GYS2: variants seen among roughly 807,000 people sequenced by gnomAD.
GYS2 encodes glycogen synthase 2.
Under a neutral mutation model 85.6 loss-of-function variants are expected in GYS2, and 80 were observed. That is an observed-to-expected ratio of 0.93 (90% CI 0.78 to 1.13). GYS2 has a LOEUF of 1.13. Ranked by LOEUF, GYS2 falls within the 50% of genes most tolerant of loss-of-function variation. The pLI is 0.00. For missense variants in GYS2, 881 were observed against 854.9 expected, an observed-to-expected ratio of 1.03 and a Z score of -0.38; for synonymous variants, 328 against 300.7, an observed-to-expected ratio of 1.09 and a Z score of -0.94.
chr12:21,594,756 G>C (rs1292281898), intron 1 of GYS2, among the ~76,000 whole-genome samples: 1 of 152,046 alleles, frequency 6.6e-6, no homozygotes, highest in Non-Finnish European at 1.5e-5. Flanking sequence ...TCTAAAATTT[G>C]TATGAAATTA....
chr12:21,542,573 C>T lies in GYS2; in HGVS notation c.1568G>A (p.Gly523Asp), dbSNP rs1482253104. 1 of 1,612,202 alleles carries T rather than the reference C, an allele frequency of 6.2e-7. No individual in the cohort carries two copies. The highest frequency in any genetic ancestry group is 1.3e-5 in the African/African-American group (1 of 74,898). ...GYTPAECTVM[G>D]IPSVTTNLSG... ...GAGATTCGTGGTCACACTGGGGATA[C>T]CCATCACAGTGCATTCAGCTGCCAG... Residue 523 changes from glycine to aspartate, a missense_variant, in exon 13 of 16, where the codon GGT becomes GAT. Gly to Asp is a moderately conservative substitution (Grantham distance 94, BLOSUM62 -1). Coordinates refer to ENST00000261195, the MANE Select transcript of GYS2 (RefSeq NM_021957.4).
At chr12:21,543,756 C>A (rs1347953434) in intron 12 of GYS2, among the ~76,000 whole-genome samples, 1 of 152,076 alleles carries the variant, frequency 6.6e-6, no homozygotes, top group Non-Finnish European at 1.5e-5. Flanking sequence ...CCCCACAACC[C>A]GACAGGCCCC....
rs74066736 is a variant in GYS2, at chr12:21,599,534, A to T, written c.121+4938T>A. On this transcript the variant is annotated intron_variant, in intron 1 of 15. Coordinates refer to ENST00000261195, the MANE Select transcript of GYS2 (RefSeq NM_021957.4). ...GGGCCTAGACATAGCATGCTGAATG[A>T]AAAGGAAGTGAGTAGACTAGTGCTT... 5.7e-3 allele frequency among the ~76,000 whole-genome samples: 866 copies of T among 152,302 alleles called. 7 individuals carry two copies. The highest frequency in any genetic ancestry group is 0.02 in the African/African-American group (827 of 41,578).
chr12:21,557,397 C>T lies in GYS2; in HGVS notation c.1422+803G>A, dbSNP rs551732065. On this transcript the variant is annotated intron_variant, in intron 11 of 15. Transcript: ENST00000261195. ...ATGCCCTCAGCAAGTAACATTGTGC[C>T]TAGTCATTGTGGAAACTCAAGTCAA... Among the ~76,000 whole-genome samples the T allele has an allele frequency of 4.6e-5, 7 of 152,204 alleles. No individual in the cohort carries two copies. The South Asian group carries it at 1.4e-3, about 32-fold the overall frequency.
intron 11 of GYS2, among the ~76,000 whole-genome samples, chr12:21,547,973 A>G (rs1229991002): frequency 2.0e-5 from 3 of 152,236 alleles, no homozygotes; most frequent in Admixed American, 6.5e-5. Flanking sequence ...TGTGAATTCT[A>G]TATAGTCAAT....
chr12:21,551,013 A>AT (rs71053322), intron 11 of GYS2, among the ~76,000 whole-genome samples: 11,144 of 151,496 alleles, frequency 0.074, 606 homozygotes, highest in African/African-American at 0.14. Flanking sequence ...TTTTTTTTTA[A>AT]TTTTTTTTTA....
intron 1 of GYS2, among the ~76,000 whole-genome samples, chr12:21,581,970 A>T (rs1193193510): frequency 6.6e-6 from 1 of 152,212 alleles, no homozygotes; most frequent in Non-Finnish European, 1.5e-5. Flanking sequence ...CCTCAAAACT[A>T]AACACAACAA....
intron 1 of GYS2, among the ~76,000 whole-genome samples, chr12:21,598,265 C>G (rs1944717792): frequency 6.6e-6 from 1 of 152,020 alleles, no homozygotes; most frequent in African/African-American, 2.4e-5. Flanking sequence ...AAATACCTGA[C>G]TTGATCATTA....
At chr12:21,572,151 G>T (rs888457620) in intron 4 of GYS2, among the ~76,000 whole-genome samples, 1 of 152,060 alleles carries the variant, frequency 6.6e-6, no homozygotes, top group African/African-American at 2.4e-5. Context: ...TCATACGCTG[G>T]CTGAAAATGG....
chr12:21,548,771 A>C (rs1162559515), intron 11 of GYS2, among the ~76,000 whole-genome samples: 1 of 152,130 alleles, frequency 6.6e-6, no homozygotes, highest in East Asian at 1.9e-4. Context: ...CCATATTGTC[A>C]ATTCTATATA....
chr12:21,578,096 C>G (rs1236806587), intron 2 of GYS2, among the ~76,000 whole-genome samples: 1 of 152,184 alleles, frequency 6.6e-6, no homozygotes, highest in Non-Finnish European at 1.5e-5. Context: ...AAATATTCCA[C>G]TTCGGCATTC....
At chr12:21,583,911 C>G (rs1944541403) in intron 1 of GYS2, among the ~76,000 whole-genome samples, 1 of 152,180 alleles carries the variant, frequency 6.6e-6, no homozygotes, top group South Asian at 2.1e-4. Context: ...GAAAGGGGCT[C>G]AAATGCCCAT....
At chr12:21,544,017 T>C (rs565735882) in intron 12 of GYS2, among the ~76,000 whole-genome samples, 46 of 152,358 alleles carry the variant, frequency 3.0e-4, no homozygotes, top group African/African-American at 1.0e-3. Flanking sequence ...TGAAGTTTAG[T>C]ATATGTTCAT....
At chr12:21,571,047 T>A (rs956128547) in intron 4 of GYS2, among the ~76,000 whole-genome samples, 1 of 152,224 alleles carries the variant, frequency 6.6e-6, no homozygotes, top group Non-Finnish European at 1.5e-5. Flanking sequence ...ATGTCACAGA[T>A]AAGACAGCAT....
chr12:21,535,340 C>G (rs1032398930), downstream of GYS2, among the ~76,000 whole-genome samples: 4 of 152,068 alleles, frequency 2.6e-5, no homozygotes, highest in African/African-American at 9.7e-5. Flanking sequence ...ACAGTGAACC[C>G]TAGTTTATCA....
chr12:21,552,210 CT>C lies in GYS2; in HGVS notation c.1423-5741del, dbSNP rs1944120306. ...GAAACAGAGACAAAGGCTTGTCTGA[CT>C]CTTTATTTATTCCAGGACAGAAGTA... On this transcript the variant is annotated intron_variant, in intron 11 of 15. Coordinates refer to ENST00000261195, the MANE Select transcript of GYS2 (RefSeq NM_021957.4). 2.0e-5 allele frequency among the ~76,000 whole-genome samples: 3 copies of C among 152,160 alleles called. No homozygotes were observed. The South Asian group carries it at 6.2e-4, about 31-fold the overall frequency.
intron 1 of GYS2, among the ~76,000 whole-genome samples, chr12:21,598,935 T>A (rs1399797594): frequency 6.6e-6 from 1 of 152,098 alleles, no homozygotes; most frequent in Non-Finnish European, 1.5e-5. Context: ...GCTACCATGG[T>A]ACATATAACA....
Position 21,574,279 on chromosome 12 carries a change from T to A in GYS2, c.543A>T (p.Glu181Asp), listed in dbSNP as rs138104080. ...DGKYVVAQFH[E>D]WQAGIGLILS... ...GGATCAGTCCAATTCCAGCCTGCCATTCATGGAATTGGGCAACGACATATT... is the reference window on the plus strand; with the variant it reads ...GGATCAGTCCAATTCCAGCCTGCCAATCATGGAATTGGGCAACGACATATT... Residue 181 changes from glutamate (E) to aspartate (D), a missense_variant, in exon 4 of 16, where the codon GAA becomes GAT. Coordinates refer to ENST00000261195, the MANE Select transcript of GYS2 (RefSeq NM_021957.4). 2.5e-6 allele frequency: 4 copies of A among 1,613,936 alleles called. No homozygotes were observed. The highest frequency in any genetic ancestry group is 3.4e-6 in the Non-Finnish European group (4 of 1,179,786).
chr12:21,590,275 C>G (rs905187395), intron 1 of GYS2, among the ~76,000 whole-genome samples: 3 of 152,210 alleles, frequency 2.0e-5, no homozygotes, highest in Non-Finnish European at 4.4e-5. Context: ...TCCACACACA[C>G]CACTGAGTGG....
Sources: gnomAD v4.1 joint callset for allele counts (sites outside exome capture counted in the v4.1 genomes callset) on GRCh38, gnomAD v4.1.1 for gene constraint, MANE v1.5 for transcripts, NCBI Gene and HGNC (gene_info 2026-07-23, HGNC 2026-07-21) for gene names.